FAM107B: variants seen among roughly 807,000 people sequenced by gnomAD.
FAM107B encodes protein FAM107B.
Under a neutral mutation model 31.5 loss-of-function variants are expected in FAM107B, and 21 were observed. The observed-to-expected ratio is 0.67, with a 90% CI of 0.47 to 0.96. FAM107B has a LOEUF of 0.96. Among genes scored for constraint, FAM107B ranks in the 40% least tolerant of loss-of-function variants. The probability of loss-of-function intolerance (pLI) is 0.00; values close to 1 mark genes in which losing one functional copy is unlikely to be tolerated. For missense variants in FAM107B, 452 were observed against 377.1 expected (o/e 1.20, Z -1.64); for synonymous variants, 157 against 141.5 (o/e 1.11, Z -0.78).
intron 2 of FAM107B, among the ~76,000 whole-genome samples, chr10:14,532,923 G>C (rs537654281): frequency 2.0e-5 from 3 of 152,170 alleles, no homozygotes; most frequent in Non-Finnish European, 4.4e-5. Context: ...GATCAGCAGC[G>C]AGAAGAGCGC....
intron 2 of FAM107B, among the ~76,000 whole-genome samples, chr10:14,632,620 A>G (rs1030977756): frequency 7.2e-5 from 11 of 151,878 alleles, no homozygotes; most frequent in Non-Finnish European, 1.3e-4. Context: ...CAAAAAAAAA[A>G]AAAAAAAAGA....
chr10:14,531,261 T>G (rs1846960344), intron 2 of FAM107B, among the ~76,000 whole-genome samples: 2 of 152,216 alleles, frequency 1.3e-5, no homozygotes, highest in Admixed American at 1.3e-4. Context: ...GGCTCATGCC[T>G]GTAATCCCAG....
chr10:14,671,953 C>T (rs1388157095), intron 1 of FAM107B, among the ~76,000 whole-genome samples: 1 of 150,658 alleles, frequency 6.6e-6, no homozygotes, highest in Admixed American at 6.6e-5. Flanking sequence ...TTTTCTGTCA[C>T]TTCTAAAAGA....
intron 1 of FAM107B, among the ~76,000 whole-genome samples, chr10:14,690,706 C>T (rs1042445199): frequency 3.8e-4 from 58 of 152,140 alleles, no homozygotes; most frequent in African/African-American, 1.3e-3. Flanking sequence ...CCCACCTCTG[C>T]CTCCCAAAGT....
intron 1 of FAM107B, among the ~76,000 whole-genome samples, chr10:14,764,677 G>A (rs1452430514): frequency 6.6e-6 from 1 of 152,200 alleles, no homozygotes; most frequent in Non-Finnish European, 1.5e-5. Flanking sequence ...CCATGTCTGT[G>A]GCTGGAAAAA....
intron 1 of FAM107B, among the ~76,000 whole-genome samples, chr10:14,700,721 T>C (rs1308130740): frequency 3.4e-5 from 5 of 147,882 alleles, no homozygotes; most frequent in African/African-American, 1.3e-4. Context: ...ACAGACTAAA[T>C]AACCATTTTC....
At chr10:14,594,614 C>T (rs1207554473) in intron 2 of FAM107B, among the ~76,000 whole-genome samples, 1 of 152,058 alleles carries the variant, frequency 6.6e-6, no homozygotes, top group Non-Finnish European at 1.5e-5. Flanking sequence ...TGGTGAAGGG[C>T]GTGTGAAGAA....
chr10:14,722,462 C>T (rs958111405), intron 1 of FAM107B, among the ~76,000 whole-genome samples: 2 of 152,094 alleles, frequency 1.3e-5, no homozygotes, highest in Non-Finnish European at 2.9e-5. Context: ...TTGGGTTGTT[C>T]CCTGCATCCT....
chr10:14,753,446 G>A (rs752810422), intron 1 of FAM107B, among the ~76,000 whole-genome samples: 2 of 152,176 alleles, frequency 1.3e-5, no homozygotes, highest in African/African-American at 4.8e-5. Context: ...ATCATGGGAG[G>A]TCTTCCTCAA....
intron 2 of FAM107B, among the ~76,000 whole-genome samples, chr10:14,614,171 C>T (rs1852795150): frequency 6.6e-6 from 1 of 152,044 alleles, no homozygotes; most frequent in African/African-American, 2.4e-5. Context: ...TTCTTTCTTT[C>T]CCCCTAAACA....
intron 2 of FAM107B, among the ~76,000 whole-genome samples, chr10:14,658,661 G>A (rs1345534743): frequency 6.6e-6 from 1 of 152,220 alleles, no homozygotes; most frequent in Admixed American, 6.5e-5. Flanking sequence ...TGACTCATCT[G>A]CTTCACTTGA....
intron 1 of FAM107B, among the ~76,000 whole-genome samples, chr10:14,686,288 C>G (rs1854984867): frequency 6.6e-6 from 1 of 151,716 alleles, no homozygotes; most frequent in African/African-American, 2.4e-5. Context: ...ACTCAGGAGG[C>G]TGAGGTAGGA....
intron 1 of FAM107B, among the ~76,000 whole-genome samples, chr10:14,771,821 G>C (rs919601497): frequency 6.6e-6 from 1 of 152,154 alleles, no homozygotes; most frequent in Non-Finnish European, 1.5e-5. Context: ...CAGCCAATAT[G>C]TATGATATTT....
intron 2 of FAM107B, among the ~76,000 whole-genome samples, chr10:14,628,346 G>C (rs2131413034): frequency 6.6e-6 from 1 of 152,086 alleles, no homozygotes; most frequent in South Asian, 2.1e-4. Context: ...TCAAACTCCT[G>C]ACCTCAGGTG....
chr10:14,687,283 G>A (rs1029652840), intron 1 of FAM107B, among the ~76,000 whole-genome samples: 6 of 152,194 alleles, frequency 3.9e-5, no homozygotes, highest in Non-Finnish European at 7.4e-5. Context: ...TTAACAAAAC[G>A]GAGAGAACAA....
rs775546729 is a variant in FAM107B at position 14,774,315 on chromosome 10, C to T, written c.349G>A (p.Asp117Asn). ...DVPGSLDDGA[D>N]CEAVVFHASI... The stretch of plus-strand genomic sequence containing the variant: ...GCGTGAAACACCACTGCTTCACAGT[C>T]CGCCCCATCATCCAGGGACCCGGGC... Residue 117 changes from aspartate to asparagine, a missense_variant, in exon 1 of 5, where the codon GAC becomes AAC. Physicochemically the swap from Asp to Asn is conservative, Grantham distance 23 (BLOSUM62 1). Coordinates refer to ENST00000181796, the MANE Select transcript of FAM107B (RefSeq NM_031453.4). 7 of 1,614,196 alleles carry T rather than the reference C, an allele frequency of 4.3e-6. No individual in the cohort carries two copies. The highest frequency in any genetic ancestry group is 5.9e-6 in the Non-Finnish European group (7 of 1,179,996).
intron 2 of FAM107B, among the ~76,000 whole-genome samples, chr10:14,564,149 T>C (rs1850468276): frequency 6.6e-6 from 1 of 152,202 alleles, no homozygotes; most frequent in African/African-American, 2.4e-5. Flanking sequence ...AATACTTTTT[T>C]AAAACAGTGT....
At chr10:14,693,950 A>G (rs533763423) in intron 1 of FAM107B, among the ~76,000 whole-genome samples, 4 of 152,354 alleles carry the variant, frequency 2.6e-5, no homozygotes, top group Admixed American at 2.0e-4. Flanking sequence ...TAGATTCCAC[A>G]TGAAAATTTG....
At chr10:14,627,793 A>T (rs1326797034) in intron 2 of FAM107B, among the ~76,000 whole-genome samples, 1 of 152,020 alleles carries the variant, frequency 6.6e-6, no homozygotes, top group African/African-American at 2.4e-5. Flanking sequence ...AAAAAAAATC[A>T]GAGTAGAAAT....
Sources: allele counts gnomAD v4.1 joint callset (sites outside exome capture counted in the v4.1 genomes callset), GRCh38; gene constraint gnomAD v4.1.1; transcripts MANE v1.5; gene names NCBI Gene and HGNC (gene_info 2026-07-23, HGNC 2026-07-21).